SCRG1: variants seen among roughly 807,000 people sequenced by gnomAD.
SCRG1 encodes scrapie-responsive protein 1.
In SCRG1, 3 loss-of-function variants were observed where a neutral mutation model predicts 7.7. That is an observed-to-expected ratio of 0.39 (90% CI 0.18 to 1.01). The LOEUF (loss-of-function observed/expected upper bound fraction) is 1.01. Among genes scored for constraint, SCRG1 ranks in the 50% least tolerant of loss-of-function variants. The pLI is 0.36. For synonymous variants in SCRG1, 46 were observed against 41.2 expected (o/e 1.12, Z -0.44); for missense variants, 110 against 117.2 (o/e 0.94, Z 0.28).
chr4:173,451,390 C>G, the SCRG1 span, among the ~76,000 whole-genome samples: 3 of 151,820 alleles, frequency 2.0e-5, no homozygotes, highest in African/African-American at 7.3e-5. Flanking sequence ...AGCAGCTCCG[C>G]AAGTTAGCTC....
chr4:173,487,470 G>T, the SCRG1 span, among the ~76,000 whole-genome samples: 1 of 152,050 alleles, frequency 6.6e-6, no homozygotes, highest in African/African-American at 2.4e-5. Context: ...ACATGATTTG[G>T]GACATTAGCT....
chr4:173,511,950 C>T, the SCRG1 span, among the ~76,000 whole-genome samples: 4 of 152,246 alleles, frequency 2.6e-5, no homozygotes, highest in South Asian at 4.1e-4. This position sits in a 1 kb window ranked among gnomAD's most constrained non-coding sequence, Gnocchi z 5.2. Context: ...CTCCTGAATA[C>T]GGTGCTGTCC....
chr4:173,432,490 C>A, the SCRG1 span, among the ~76,000 whole-genome samples: 16 of 152,068 alleles, frequency 1.1e-4, no homozygotes, highest in African/African-American at 3.6e-4. Context: ...CATTCCTTTT[C>A]TCTCAGTATC....
At chr4:173,506,476 A>T in the SCRG1 span, among the ~76,000 whole-genome samples, 2 of 152,230 alleles carry the variant, frequency 1.3e-5, no homozygotes, top group South Asian at 4.1e-4. The surrounding 1 kb of genome is among the most constrained non-coding windows in gnomAD (Gnocchi z 5.3). Flanking sequence ...CTCTCTTTGC[A>T]CCTCAATTTT....
the SCRG1 span, among the ~76,000 whole-genome samples, chr4:173,416,483 GGTGGCGCGCCT>G: frequency 1.3e-5 from 2 of 152,224 alleles, no homozygotes; most frequent in Non-Finnish European, 2.9e-5. Context: ...TGCCAGGCGC[GGTGGCGCGCCT>G]GTGGTCCGGG....
intron 1 of SCRG1, among the ~76,000 whole-genome samples, chr4:173,405,783 G>C (rs1560836138): frequency 1.3e-5 from 2 of 151,956 alleles, no homozygotes; most frequent in African/African-American, 4.8e-5. Context: ...TTTTGTTTTT[G>C]TGCACTTTCT....
chr4:173,501,600 G>C, the SCRG1 span, among the ~76,000 whole-genome samples: 17 of 152,148 alleles, frequency 1.1e-4, no homozygotes, highest in African/African-American at 3.1e-4. The surrounding 1 kb of genome is among the most constrained non-coding windows in gnomAD (Gnocchi z 5.1). Context: ...GATTCAGAAG[G>C]GGGGGCCGGG....
chr4:173,517,124 AGGCCGGGCCAACCGTCCCCCCGGG>A, the SCRG1 span, among the ~76,000 whole-genome samples: 2 of 152,152 alleles, frequency 1.3e-5, no homozygotes, highest in East Asian at 3.9e-4. Context: ...GCCCCAAAGC[AGGCCGGGCCAACCGTCCCCCCGGG>A]AGGCTCGGGG....
At chr4:173,483,833 T>TTTC in the SCRG1 span, among the ~76,000 whole-genome samples, 34 of 72,146 alleles carry the variant, frequency 4.7e-4, 4 homozygotes, top group African/African-American at 1.7e-3. Flanking sequence ...ATATATATAA[T>TTTC]ATATAATATA....
the SCRG1 span, among the ~76,000 whole-genome samples, chr4:173,490,128 C>A: frequency 6.6e-6 from 1 of 152,080 alleles, no homozygotes; most frequent in Non-Finnish European, 1.5e-5. Context: ...AAATTGTCCA[C>A]GCCAAATTTT....
At chr4:173,461,510 G>C in the SCRG1 span, among the ~76,000 whole-genome samples, 13 of 152,322 alleles carry the variant, frequency 8.5e-5, 1 homozygote, top group South Asian at 2.7e-3. Context: ...TACTGCGCTT[G>C]GGGTGCCCCT....
chr4:173,492,992 C>A, the SCRG1 span, among the ~76,000 whole-genome samples: 1 of 152,162 alleles, frequency 6.6e-6, no homozygotes, highest in Non-Finnish European at 1.5e-5. Context: ...CCTTAGTGGA[C>A]TAAGAACAGG....
chr4:173,508,494 C>T, the SCRG1 span, among the ~76,000 whole-genome samples: 2 of 152,140 alleles, frequency 1.3e-5, no homozygotes, highest in African/African-American at 4.8e-5. The surrounding 1 kb of genome is among the most constrained non-coding windows in gnomAD (Gnocchi z 4.4). Context: ...ACTTTTCCAC[C>T]TTCCGGACCT....
At chr4:173,517,076 A>C in the SCRG1 span, among the ~76,000 whole-genome samples, 34,154 of 152,190 alleles carry the variant, frequency 0.22, 4,452 homozygotes, top group African/African-American at 0.37. Flanking sequence ...GAGGACCACG[A>C]GGCTCCCGGC....
intron 1 of SCRG1, among the ~76,000 whole-genome samples, chr4:173,393,136 G>T (rs1739503072): frequency 6.6e-6 from 1 of 151,734 alleles, no homozygotes; most frequent in Non-Finnish European, 1.5e-5. Context: ...GACATTTTTG[G>T]TATAAAGTTT....
chr4:173,392,795 CA>C (rs1739488683), intron 1 of SCRG1, among the ~76,000 whole-genome samples: 1 of 152,052 alleles, frequency 6.6e-6, no homozygotes, highest in Non-Finnish European at 1.5e-5. Context: ...GGAAAGAAAA[CA>C]ATATTGTGGA....
chr4:173,429,904 A>G, the SCRG1 span, among the ~76,000 whole-genome samples: 1 of 152,192 alleles, frequency 6.6e-6, no homozygotes, highest in East Asian at 1.9e-4. Context: ...GTTACTATAA[A>G]TCACTTAGAT....
chr4:173,414,225 A>C, the SCRG1 span, among the ~76,000 whole-genome samples: 26 of 152,224 alleles, frequency 1.7e-4, no homozygotes, highest in Non-Finnish European at 8.8e-5. Flanking sequence ...CCACTGGAGC[A>C]GCCTGGGCCT....
chr4:173,516,494 A>C, the SCRG1 span, among the ~76,000 whole-genome samples: 1 of 152,204 alleles, frequency 6.6e-6, no homozygotes, highest in African/African-American at 2.4e-5. Context: ...TGCGTATTAA[A>C]AGGCAAGCAG....
Sources: gnomAD v4.1 joint callset for allele counts (sites outside exome capture counted in the v4.1 genomes callset) on GRCh38, gnomAD v4.1.1 for gene constraint, Gnocchi (gnomAD v3.1) non-coding constraint, MANE v1.5 for transcripts, NCBI Gene and HGNC (gene_info 2026-07-23, HGNC 2026-07-21) for gene names.